Variants in FAM110B observed in about 807,000 individuals in gnomAD.
FAM110B encodes protein FAM110B.
Under a neutral mutation model 20.4 loss-of-function variants are expected in FAM110B, and 6 were observed. The ratio of observed to expected loss-of-function variants is 0.29; its 90% CI spans 0.16 to 0.58. The LOEUF is 0.58. Ranked by LOEUF, FAM110B falls within the 20% of genes least tolerant of loss-of-function variation. FAM110B has a pLI of 0.90. For synonymous variants in FAM110B, 226 were observed against 214.1 expected, an observed-to-expected ratio of 1.06 and a Z score of -0.49; for missense variants, 434 against 498.2, an observed-to-expected ratio of 0.87 and a Z score of 1.23.
At chr8:58,014,389 T>C (rs1315392538) in intron 1 of FAM110B, among the ~76,000 whole-genome samples, 1 of 152,184 alleles carries the variant, frequency 6.6e-6, no homozygotes, top group African/African-American at 2.4e-5. Flanking sequence ...TCACACGGTC[T>C]GGGGAGGGCC....
At chr8:58,077,275 T>G (rs1806061143) in intron 3 of FAM110B, 1 of 152,302 alleles carries the variant, frequency 6.6e-6, no homozygotes, top group Non-Finnish European at 1.5e-5. Context: ...AACAGGCCCA[T>G]GCTTTTCATT....
At chr8:58,093,904 T>A (rs567586494) in intron 3 of FAM110B, among the ~76,000 whole-genome samples, 63 of 152,330 alleles carry the variant, frequency 4.1e-4, no homozygotes, top group African/African-American at 1.5e-3. Flanking sequence ...TCCATTTGTT[T>A]GTGCCCTCTC....
At chr8:58,071,490 A>G (rs940857120) in intron 2 of FAM110B, among the ~76,000 whole-genome samples, 7 of 152,126 alleles carry the variant, frequency 4.6e-5, no homozygotes, top group African/African-American at 1.4e-4. Flanking sequence ...CTGAAAAACT[A>G]AACGTTGCAA....
At chr8:58,132,657 C>T (rs557809935) in intron 3 of FAM110B, among the ~76,000 whole-genome samples, 7 of 152,284 alleles carry the variant, frequency 4.6e-5, no homozygotes, top group African/African-American at 1.7e-4. Flanking sequence ...TCCACCCTGC[C>T]TGGCATGAGG....
chr8:58,007,883 G>A (rs1804443789), intron 1 of FAM110B, among the ~76,000 whole-genome samples: 1 of 152,144 alleles, frequency 6.6e-6, no homozygotes, highest in African/African-American at 2.4e-5. Flanking sequence ...GTAACAAAAA[G>A]TAATGCAAAT....
At chr8:58,099,900 TTCAG>T (rs1806734841) in intron 3 of FAM110B, among the ~76,000 whole-genome samples, 1 of 152,168 alleles carries the variant, frequency 6.6e-6, no homozygotes, top group African/African-American at 2.4e-5. Context: ...TTTTATTGAT[TTCAG>T]TCACTCTCTT....
At chr8:58,067,346 T>G (rs2150588376) in intron 2 of FAM110B, among the ~76,000 whole-genome samples, 1 of 152,292 alleles carries the variant, frequency 6.6e-6, no homozygotes, top group South Asian at 2.1e-4. Context: ...GGGTTTCGAC[T>G]TGGAAGGTAA....
chr8:58,134,535 A>G (rs964496996), intron 3 of FAM110B, among the ~76,000 whole-genome samples: 2 of 152,214 alleles, frequency 1.3e-5, no homozygotes, highest in African/African-American at 2.4e-5. Flanking sequence ...TGTGCTAGGT[A>G]TTCTACTGAA....
chr8:58,110,847 A>C (rs1394269200), intron 3 of FAM110B, among the ~76,000 whole-genome samples: 6 of 152,160 alleles, frequency 3.9e-5, no homozygotes, highest in Non-Finnish European at 5.9e-5. Flanking sequence ...CAGAAGGGGA[A>C]ATATTATTGG....
intron 1 of FAM110B, among the ~76,000 whole-genome samples, chr8:58,009,112 CAG>C (rs1198915057): frequency 2.0e-5 from 3 of 152,204 alleles, no homozygotes; most frequent in African/African-American, 4.8e-5. Flanking sequence ...GACCACTAGA[CAG>C]GGGACTTGAT....
intron 2 of FAM110B, among the ~76,000 whole-genome samples, chr8:58,049,485 T>C (rs1292757522): frequency 1.3e-5 from 2 of 152,278 alleles, no homozygotes; most frequent in Middle Eastern, 3.4e-3. Flanking sequence ...CAGATGTTTC[T>C]CATTAGCTTG....
chr8:58,120,357 T>G (rs1807328407), intron 3 of FAM110B, among the ~76,000 whole-genome samples: 1 of 152,138 alleles, frequency 6.6e-6, no homozygotes, highest in African/African-American at 2.4e-5. Context: ...GTCTGAATTA[T>G]CCACTGAATT....
chr8:58,120,683 T>G, intron 3 of FAM110B, among the ~76,000 whole-genome samples: 1 of 152,226 alleles, frequency 6.6e-6, no homozygotes, highest in East Asian at 1.9e-4. Flanking sequence ...CCCATATTGT[T>G]GAGGTTTTGA....
chr8:58,001,041 A>G (rs1438249360), intron 1 of FAM110B, among the ~76,000 whole-genome samples: 1 of 152,198 alleles, frequency 6.6e-6, no homozygotes, highest in Non-Finnish European at 1.5e-5. Flanking sequence ...AACCTGCAAC[A>G]TGCACCCGGG....
Position 58,145,953 on chromosome 8 carries a change from C to T in FAM110B, c.-278C>T, listed in dbSNP as rs1004943263. On this transcript the variant is annotated 5_prime_UTR_variant, in exon 4 of 4. Coordinates refer to ENST00000519262, the MANE Select transcript of FAM110B (RefSeq NM_001377989.1). ...AAGACCTGGAGGAGACTCCCACCTC[C>T]TTCAGGGAGAAGAAAGGAGGCAGCG... is the stretch of plus-strand genomic sequence containing the variant. 8.1e-6 allele frequency: 3 copies of T among 371,106 alleles called. No individual in the cohort carries two copies. The highest frequency in any genetic ancestry group is 6.2e-5 in the African/African-American group (3 of 48,144). The allele number at this position is 371,106 out of a possible 1,614,324, so 23.0% of individuals were successfully genotyped here. A position where few individuals can be genotyped will look rare whatever the true frequency, so the allele number is the denominator to read the frequency against.
At chr8:58,125,942 C>A (rs1038978573) in intron 3 of FAM110B, among the ~76,000 whole-genome samples, 13 of 152,164 alleles carry the variant, frequency 8.5e-5, no homozygotes, top group Admixed American at 5.9e-4. Context: ...AATTATAGTA[C>A]AGTATCAAAC....
chr8:58,146,707 C>G lies in FAM110B; in HGVS notation c.477C>G (p.Phe159Leu), dbSNP rs1405390365. ...CCACTGACCTGCACCGTCACTCCTT[C>G]GCGGAGTCCCTGAAGGTCTACCCCA... ...SEATDLHRHSFAESLKVYPTQ... is the reference protein window; with the variant it reads ...SEATDLHRHSLAESLKVYPTQ... Residue 159 changes from phenylalanine (F) to leucine (L), a missense_variant, in exon 4 of 4, where the codon TTC becomes TTG. Phe to Leu is a conservative substitution (Grantham distance 22). Coordinates refer to ENST00000519262, the MANE Select transcript of FAM110B (RefSeq NM_001377989.1). 4 of 1,612,248 alleles carry G rather than the reference C, an allele frequency of 2.5e-6. No individual in the cohort carries two copies. In the South Asian group the frequency reaches 4.4e-5, roughly 18 times the overall value.
In FAM110B at chr8:58,073,263, G is replaced by A. The variant is rs530606879; in HGVS notation, c.-413-2272G>A. Reference sequence around the variant, plus strand: ...AAGCAGCTAAATTAATAATAATAGGGCTGCACGAGGCAGACAGAGAGACAT... The same window carrying A: ...AAGCAGCTAAATTAATAATAATAGGACTGCACGAGGCAGACAGAGAGACAT... On this transcript the variant is annotated intron_variant, in intron 2 of 3. Transcript: ENST00000519262. Among the ~76,000 whole-genome samples, 240 of 152,266 alleles carry A rather than the reference G, an allele frequency of 1.6e-3. 1 individual carries two copies. The highest frequency in any genetic ancestry group is 3.1e-3 in the Non-Finnish European group (213 of 68,012).
In FAM110B at chr8:58,147,351, C is replaced by T. The variant is rs1009796390; in HGVS notation, c.*8C>T. On this transcript the variant is annotated 3_prime_UTR_variant, in exon 4 of 4. Transcript: ENST00000519262. ...AAGGTCTCCCATGTGTAAGACAGTGCGTGGAAAGGAGGGAGCGTGGGTCTC... is the reference window on the plus strand; with the variant it reads ...AAGGTCTCCCATGTGTAAGACAGTGTGTGGAAAGGAGGGAGCGTGGGTCTC... 3 of 1,607,946 alleles carry T rather than the reference C, an allele frequency of 1.9e-6. No individual in the cohort carries two copies. The highest frequency in any genetic ancestry group is 2.6e-6 in the Non-Finnish European group (3 of 1,176,260).
Sources: gnomAD v4.1 joint callset for allele counts (sites outside exome capture counted in the v4.1 genomes callset) on GRCh38, gnomAD v4.1.1 for gene constraint, MANE v1.5 for transcripts, NCBI Gene and HGNC (gene_info 2026-07-23, HGNC 2026-07-21) for gene names.